RANBP17: variants seen among roughly 807,000 people sequenced by gnomAD.
RANBP17 encodes RAN binding protein 17, also known as ran-binding protein 17.
In RANBP17, 158 loss-of-function variants were observed where a neutral mutation model predicts 141.2. That is an observed-to-expected ratio of 1.12 (90% CI 0.98 to 1.28). The LOEUF (loss-of-function observed/expected upper bound fraction) is 1.28. RANBP17 is among the 50% of genes most tolerant of loss of function. RANBP17 has a pLI of 0.00. For missense variants in RANBP17, 1,438 were observed against 1,290.7 expected (o/e 1.11, Z -1.75); for synonymous variants, 430 against 450.0 (o/e 0.96, Z 0.56).
chr5:170,988,615 G>C lies in RANBP17; in HGVS notation c.1710+20238G>C, dbSNP rs138940330. Among the ~76,000 whole-genome samples the C allele has an allele frequency of 1.7e-3, 264 of 151,376 alleles. 5 individuals carry two copies. In the East Asian group the frequency reaches 0.047, roughly 27 times the overall value. Reference sequence around the variant, plus strand: ...GGAAATCATCAACAAGGCAATCTTCGTCCACAAATCAGAAGGCTAGGGCCA... The same window carrying C: ...GGAAATCATCAACAAGGCAATCTTCCTCCACAAATCAGAAGGCTAGGGCCA... On this transcript the variant is annotated intron_variant, in intron 14 of 27. Transcript: ENST00000523189.
chr5:171,274,946 A>T (rs1258249541), intron 25 of RANBP17, among the ~76,000 whole-genome samples: 1 of 152,212 alleles, frequency 6.6e-6, no homozygotes, highest in Non-Finnish European at 1.5e-5. Flanking sequence ...ATATTGTTCC[A>T]AATGGTTAAC....
chr5:171,279,062 A>T (rs897075672), intron 25 of RANBP17, among the ~76,000 whole-genome samples: 1 of 152,164 alleles, frequency 6.6e-6, no homozygotes, highest in Non-Finnish European at 1.5e-5. Flanking sequence ...AAGCCATATC[A>T]CTGAGATCTT....
At chr5:171,294,005 CG>C in intron 26 of RANBP17, 24 bp downstream of exon 26, 2 of 1,543,284 alleles carry the variant, frequency 1.3e-6, no homozygotes, top group Non-Finnish European at 1.8e-6. Context: ...CAGGAAGTCA[CG>C]GGAGGTGGTC....
chr5:171,210,548 C>T (rs1762819350), intron 20 of RANBP17, among the ~76,000 whole-genome samples: 1 of 152,124 alleles, frequency 6.6e-6, no homozygotes. Flanking sequence ...TTCTCATGAG[C>T]CTTCCAGATG....
intron 14 of RANBP17, among the ~76,000 whole-genome samples, chr5:171,091,642 G>A (rs146248595): frequency 2.0e-5 from 3 of 152,162 alleles, no homozygotes; most frequent in African/African-American, 7.2e-5. Context: ...CCCATGTGTT[G>A]TGGGAGGGAC....
intron 12 of RANBP17, among the ~76,000 whole-genome samples, chr5:170,933,322 C>T (rs137871620): frequency 0.03 from 4,590 of 152,082 alleles, 232 homozygotes; most frequent in African/African-American, 0.1. Flanking sequence ...ATTAGTCTTA[C>T]TAGCGGTCTA....
intron 16 of RANBP17, among the ~76,000 whole-genome samples, chr5:171,179,608 C>G (rs557835413): frequency 4.7e-4 from 71 of 152,256 alleles, no homozygotes; most frequent in Non-Finnish European, 9.3e-4. Context: ...TGATTACCCA[C>G]TCTCTTGTAC....
intron 14 of RANBP17, among the ~76,000 whole-genome samples, chr5:171,006,819 C>G (rs914263346): frequency 2.6e-5 from 4 of 151,578 alleles, no homozygotes; most frequent in Admixed American, 1.3e-4. Flanking sequence ...AGGGTTGCTG[C>G]TAAGCGGGCC....
In RANBP17 at chr5:171,299,031, G is replaced by C; in HGVS notation, c.*173G>C. ...AGCCTAATTATAAGAATTTCTAACA[G>C]TACCAGTGTAAATTCAGTCTTTTCT... On this transcript the variant is annotated 3_prime_UTR_variant, in exon 28 of 28. Transcript: ENST00000523189. 1 of 472,156 alleles carries C rather than the reference G, an allele frequency of 2.1e-6. No homozygotes were observed. The highest frequency in any genetic ancestry group is 3.8e-6 in the Non-Finnish European group (1 of 263,962). The allele number at this position is 472,156 out of a possible 1,614,324, so 29.2% of individuals were successfully genotyped here.
At chr5:170,897,348 T>A (rs1190887448) in intron 5 of RANBP17, 4 of 527,006 alleles carry the variant, frequency 7.6e-6, no homozygotes, top group Admixed American at 2.6e-5. Flanking sequence ...ACATTTCTTC[T>A]TCTTCTTCTT....
chr5:171,032,663 A>G (rs1364566956), intron 14 of RANBP17, among the ~76,000 whole-genome samples: 1 of 152,174 alleles, frequency 6.6e-6, no homozygotes, highest in Non-Finnish European at 1.5e-5. Flanking sequence ...CAGTCATATA[A>G]TGAATCAGTG....
chr5:171,010,499 A>G (rs1299937142), intron 14 of RANBP17, among the ~76,000 whole-genome samples: 1 of 152,230 alleles, frequency 6.6e-6, no homozygotes, highest in Non-Finnish European at 1.5e-5. Context: ...GAGTTCCAAG[A>G]TTATATGAAG....
At chr5:171,171,909 A>AT (rs1164416497) in intron 16 of RANBP17, among the ~76,000 whole-genome samples, 1 of 152,018 alleles carries the variant, frequency 6.6e-6, no homozygotes, top group Non-Finnish European at 1.5e-5. Flanking sequence ...GATTTTTAAA[A>AT]TTCTAAAACC....
chr5:171,135,076 C>G (rs147497155), intron 14 of RANBP17, among the ~76,000 whole-genome samples: 3,111 of 151,814 alleles, frequency 0.02, 50 homozygotes, highest in Non-Finnish European at 0.031. Flanking sequence ...CAAGACCAGC[C>G]TGGCCAACAT....
chr5:170,887,231 T>A (rs1769239373), intron 3 of RANBP17, among the ~76,000 whole-genome samples: 3 of 152,204 alleles, frequency 2.0e-5, no homozygotes, highest in African/African-American at 7.2e-5. Context: ...TCCCGATCTG[T>A]GGCTTATCTT....
chr5:171,083,442 T>A (rs906411692), intron 14 of RANBP17, among the ~76,000 whole-genome samples: 1 of 152,180 alleles, frequency 6.6e-6, no homozygotes, highest in Non-Finnish European at 1.5e-5. Context: ...TCTTCAGAGC[T>A]GTGAGAAATA....
At chr5:171,233,460 T>C (rs966086217) in intron 22 of RANBP17, among the ~76,000 whole-genome samples, 3 of 148,790 alleles carry the variant, frequency 2.0e-5, no homozygotes, top group South Asian at 2.3e-4. Flanking sequence ...CTGATACTTA[T>C]AGCAGCTTTA....
chr5:171,256,987 C>T (rs906551775), intron 24 of RANBP17, among the ~76,000 whole-genome samples: 3 of 151,126 alleles, frequency 2.0e-5, no homozygotes, highest in African/African-American at 7.3e-5. Context: ...CATACAAAAC[C>T]AAATATACAA....
chr5:171,008,320 C>T (rs375222035), intron 14 of RANBP17, among the ~76,000 whole-genome samples: 38 of 152,290 alleles, frequency 2.5e-4, no homozygotes, highest in African/African-American at 7.9e-4. Context: ...TCTGAGGACC[C>T]GAGGTCATAG....
Sources: gnomAD v4.1 joint callset for allele counts (sites outside exome capture counted in the v4.1 genomes callset) on GRCh38, gnomAD v4.1.1 for gene constraint, MANE v1.5 for transcripts, NCBI Gene and HGNC (gene_info 2026-07-23, HGNC 2026-07-21) for gene names.